Variants in TASOR2 observed in about 807,000 individuals in gnomAD.
TASOR2 encodes protein TASOR 2.
TASOR2 carries 84 observed loss-of-function variants against 199.5 expected under a neutral mutation model. The observed-to-expected ratio is 0.42, with a 90% CI of 0.35 to 0.50. The LOEUF (loss-of-function observed/expected upper bound fraction) is 0.50, where lower values mean the gene tolerates loss of function less well. TASOR2 is among the 20% of genes least tolerant of loss of function. TASOR2 has a pLI of 0.02. For missense variants in TASOR2, 2,796 were observed against 2,835.9 expected (o/e 0.99, Z 0.32); for synonymous variants, 1,103 against 1,046.6 (o/e 1.05, Z -1.04).
chr10:5,731,092 A>C (rs977672423), exon 11 of TASOR2: 1 of 1,613,906 alleles, frequency 6.2e-7, no homozygotes, highest in African/African-American at 1.3e-5. Flanking sequence ...TAAAAAGGTG[A>C]ACTTGTGCCG....
intron 1 of TASOR2, among the ~76,000 whole-genome samples, chr10:5,709,874 G>C (rs753221468): frequency 4.6e-5 from 7 of 152,098 alleles, no homozygotes; most frequent in Non-Finnish European, 1.0e-4. Flanking sequence ...ATGTTCCTCT[G>C]TTGTGATTGA....
chr10:5,718,828 C>T (rs1246298867), intron 3 of TASOR2, among the ~76,000 whole-genome samples: 1 of 151,386 alleles, frequency 6.6e-6, no homozygotes, highest in African/African-American at 2.4e-5. Context: ...GTTTTCCTCC[C>T]TTAATCTTTC....
exon 15 of TASOR2, chr10:5,749,024 C>T (rs528619041): frequency 8.1e-6 from 13 of 1,614,104 alleles, no homozygotes; most frequent in East Asian, 4.5e-5. Context: ...GGCTATGAGT[C>T]GTCGTTGAAC....
intron 3 of TASOR2, among the ~76,000 whole-genome samples, chr10:5,718,196 T>C (rs1393244450): frequency 1.3e-5 from 2 of 152,090 alleles, no homozygotes; most frequent in East Asian, 3.9e-4. Flanking sequence ...ATGCCACAAA[T>C]CCTTAAATGT....
intron 16 of TASOR2, 63 bp downstream of exon 17, chr10:5,756,801 A>C: frequency 6.5e-7 from 1 of 1,528,808 alleles, no homozygotes; most frequent in Non-Finnish European, 8.8e-7. Flanking sequence ...TGTAATGCTC[A>C]GACTCATCCC....
chr10:5,748,181 T>C lies in TASOR2; in HGVS notation c.4760T>C (p.Leu1587Ser). ...AGAAATGTTATTGAAAATAAGTCTTTGTCTGACACATTGGTTTCCACAACT... is the reference window on the plus strand; with the variant it reads ...AGAAATGTTATTGAAAATAAGTCTTCGTCTGACACATTGGTTTCCACAACT... Residue 1587 changes from leucine (L) to serine (S), a missense_variant, in exon 15 of 21, where the codon TTG becomes TCG. Physicochemically the swap from Leu to Ser is moderately radical, Grantham distance 145 (BLOSUM62 -2). This residue lies in a region of TASOR2 where 1,941 missense variants were observed against 1,924.9 expected (regional missense o/e 1.01). Transcript: ENST00000328090. The surrounding 1 kb of genome is among the most constrained non-coding windows in gnomAD (Gnocchi z 5.1). 1.2e-6 allele frequency: 2 copies of C among 1,614,272 alleles called. No individual in the cohort carries two copies. Among genetic ancestry groups the C allele is most frequent in the Non-Finnish European group, 1.7e-6 (2 of 1,180,044 alleles).
chr10:5,758,889 C>G, exon 18 of TASOR2: 2 of 1,608,680 alleles, frequency 1.2e-6, no homozygotes, highest in Non-Finnish European at 1.7e-6. Context: ...TTTTGTAGTT[C>G]AACTGAAGGA....
Position 5,750,429 on chromosome 10 carries a change from T to C in TASOR2, c.6606+402T>C, listed in dbSNP as rs1018107458. Among the ~76,000 whole-genome samples the C allele has an allele frequency of 6.6e-6, 1 of 152,240 alleles. No individual in the cohort carries two copies. Among genetic ancestry groups the C allele is most frequent in the Non-Finnish European group, 1.5e-5 (1 of 68,046 alleles). On this transcript the variant is annotated intron_variant, in intron 15 of 20. Coordinates refer to ENST00000328090, the Ensembl canonical transcript of TASOR2. This position sits in a 1 kb window ranked among gnomAD's most constrained non-coding sequence, Gnocchi z 5.4. ...ATATTTTTAATTTGAATTTGAATGT[T>C]AGGATAACTGATGTTACGGTGAGTA...
intron 15 of TASOR2, among the ~76,000 whole-genome samples, chr10:5,755,348 G>A (rs113603651): frequency 0.16 from 24,756 of 152,086 alleles, 2,431 homozygotes; most frequent in Admixed American, 0.22. Flanking sequence ...CAAGGCAGGC[G>A]GATCGCTTGA....
intron 1 of TASOR2, among the ~76,000 whole-genome samples, chr10:5,707,432 A>G (rs1489788026): frequency 6.6e-6 from 1 of 152,144 alleles, no homozygotes; most frequent in Non-Finnish European, 1.5e-5. Context: ...GTTGGCTGCC[A>G]TCTTGGTTGC....
rs183863475 is a variant in TASOR2, at chr10:5,714,128, T to C, written c.-192+1210T>C. On this transcript the variant is annotated intron_variant, in intron 2 of 20. Transcript: ENST00000328090. ...AAGACTGAAGCAAAGTAATCTTTTG[T>C]TTAAAGGCAAAATTGGTATGTCAGT... 9 of 1,230,640 alleles carry C rather than the reference T, an allele frequency of 7.3e-6. No individual in the cohort carries two copies. The African/African-American group carries it at 1.2e-4, about 17-fold the overall frequency. 76.2% of individuals were successfully genotyped at this position (1,230,640 alleles called of 1,614,324 possible).
rs1483025559 is a variant in TASOR2, at chr10:5,685,181, T to G, written c.-288+6T>G. 3 of 397,804 alleles carry G rather than the reference T, an allele frequency of 7.5e-6. No homozygotes were observed. The highest frequency in any genetic ancestry group is 1.3e-4 in the South Asian group (1 of 7,844). The allele number at this position is 397,804 out of a possible 1,614,324, so 24.6% of individuals were successfully genotyped here. ...GGCGGCCACGCCAAGGACGGGTAAG[T>G]CCCTCCTCGGCCTGGGCGCCCGGGA... On this transcript the variant is annotated splice_donor_region_variant and intron_variant, in intron 1 of 20. Coordinates refer to ENST00000328090, the Ensembl canonical transcript of TASOR2. The surrounding 1 kb of genome is among the most constrained non-coding windows in gnomAD (Gnocchi z 5.4).
intron 15 of TASOR2, 35 bp from the exon 17 acceptor site, chr10:5,756,578 C>CT (rs35436630): frequency 8.7e-6 from 14 of 1,606,520 alleles, no homozygotes; most frequent in Middle Eastern, 1.7e-4. Context: ...TGGAAGTACC[C>CT]TTTTTTTAAT....
chr10:5,728,154 G>A (rs1034018392), intron 10 of TASOR2, among the ~76,000 whole-genome samples: 1 of 151,354 alleles, frequency 6.6e-6, no homozygotes, highest in African/African-American at 2.4e-5. Context: ...CCGAGACGTG[G>A]AGGTTGCAGC....
At chr10:5,739,757 T>C in exon 13 of TASOR2, 1 of 1,614,206 alleles carries the variant, frequency 6.2e-7, no homozygotes, top group Non-Finnish European at 8.5e-7. Flanking sequence ...TCGTCAACTA[T>C]GACTCCCAGG....
chr10:5,714,180 G>A, intron 2 of TASOR2: 1 of 1,231,864 alleles, frequency 8.1e-7, no homozygotes. Context: ...CAGCAGTGCT[G>A]TTACCACTCT....
chr10:5,746,102 C>T lies in TASOR2; in HGVS notation c.2758-77C>T, dbSNP rs1217788721. The T allele has an allele frequency of 2.9e-6, 4 of 1,396,328 alleles. No homozygotes were observed. The Admixed American group carries it at 1.0e-4, about 35-fold the overall frequency. 86.5% of individuals were successfully genotyped at this position (1,396,328 alleles called of 1,614,324 possible). On this transcript the variant is annotated intron_variant, in intron 14 of 20. Coordinates refer to ENST00000328090, the Ensembl canonical transcript of TASOR2. ...AAAATTAATTTTTATCTTTTCTGTT[C>T]TTCACATGTACATATAATCGTATAA...
At chr10:5,708,317 C>T (rs1831398695) in intron 1 of TASOR2, among the ~76,000 whole-genome samples, 1 of 152,006 alleles carries the variant, frequency 6.6e-6, no homozygotes, top group South Asian at 2.1e-4. Flanking sequence ...CACTAGTTTC[C>T]TTTTTTGGCT....
intron 1 of TASOR2, among the ~76,000 whole-genome samples, chr10:5,692,040 C>T (rs1038959596): frequency 9.3e-5 from 14 of 151,246 alleles, no homozygotes; most frequent in Non-Finnish European, 1.5e-4. Context: ...CTAGGCGTGG[C>T]GGCCCATACC....
Sources: allele counts gnomAD v4.1 joint callset (sites outside exome capture counted in the v4.1 genomes callset), GRCh38; gene constraint gnomAD v4.1.1; regional missense constraint gnomAD v4.1.1; non-coding constraint Gnocchi (gnomAD v3.1); transcripts MANE v1.5; gene names NCBI Gene and HGNC (gene_info 2026-07-23, HGNC 2026-07-21).